CBL: variants seen among roughly 807,000 people sequenced by gnomAD.
CBL encodes Cbl proto-oncogene, also known as E3 ubiquitin-protein ligase CBL.
Under a neutral mutation model 96.9 loss-of-function variants are expected in CBL, and 45 were observed. That is an observed-to-expected ratio of 0.46 (90% CI 0.37 to 0.60). The LOEUF (loss-of-function observed/expected upper bound fraction) is 0.60. CBL is among the 20% of genes least tolerant of loss of function. The probability of loss-of-function intolerance (pLI) is 0.00; values close to 1 mark genes in which losing one functional copy is unlikely to be tolerated. For synonymous variants in CBL, 420 were observed against 426.8 expected, an observed-to-expected ratio of 0.98 and a Z score of 0.20; for missense variants, 1,024 against 1,143.5, an observed-to-expected ratio of 0.90 and a Z score of 1.51.
At chr11:119,226,304 A>G (rs899326270) in intron 1 of CBL, among the ~76,000 whole-genome samples, 4 of 152,186 alleles carry the variant, frequency 2.6e-5, no homozygotes, top group African/African-American at 9.7e-5. Flanking sequence ...CCTCCCCTGC[A>G]TATAAGCCAC....
intron 14 of CBL, 45 bp downstream of exon 14, chr11:119,297,526 G>T (rs370168884): frequency 7.4e-7 from 1 of 1,347,090 alleles, no homozygotes; most frequent in Non-Finnish European, 1.1e-6. Context: ...ATATGTCATA[G>T]GAATGAACAT....
At chr11:119,272,157 T>A (rs1190003932) in intron 3 of CBL, among the ~76,000 whole-genome samples, 1 of 152,238 alleles carries the variant, frequency 6.6e-6, no homozygotes, top group Non-Finnish European at 1.5e-5. Context: ...AGTCTTGCTC[T>A]GTTGCCCAGG....
Position 119,264,388 on chromosome 11 carries a change from T to TTCTC in CBL, c.444-7346_444-7345insCTCT, listed in dbSNP as rs1949780055. Among the ~76,000 whole-genome samples the TTCTC allele has an allele frequency of 3.2e-3, 426 of 133,838 alleles. 4 individuals are homozygous for TTCTC. Among genetic ancestry groups the TTCTC allele is most frequent in the African/African-American group, 0.01 (342 of 32,944 alleles). The allele number at this position is 133,838 out of a possible 152,430, so 87.8% of individuals were successfully genotyped here. A position where few individuals can be genotyped will look rare whatever the true frequency, so the allele number is the denominator to read the frequency against. ...TCTTTTATTATGATCTTTCTTTTCT[T>TTCTC]TTCTCTTCTCTTCTCTTCTCTTCTC... On this transcript the variant is annotated intron_variant, in intron 2 of 15. Transcript: ENST00000264033.
At chr11:119,273,721 TAAAG>T (rs1202710655) in intron 3 of CBL, 143 bp from the exon 4 acceptor site, 1 of 753,944 alleles carries the variant, frequency 1.3e-6, no homozygotes, top group African/African-American at 1.8e-5. Flanking sequence ...TTTCTTTTCT[TAAAG>T]AAGTTGACCT....
intron 4 of CBL, 57 bp downstream of exon 4, chr11:119,274,081 CTTTT>C (rs373788107): frequency 3.9e-5 from 36 of 916,692 alleles, no homozygotes; most frequent in African/African-American, 5.9e-5. Context: ...GAAGAGAAAG[CTTTT>C]TTTTTTTTTT....
At position 119,293,066 on chromosome 11, in the gene CBL, G is replaced by A. The variant is rs527947695; in HGVS notation, c.2037-3852G>A. Among the ~76,000 whole-genome samples, 3 of 151,888 alleles carry A rather than the reference G, an allele frequency of 2.0e-5. No individual in the cohort carries two copies. In the South Asian group the frequency reaches 6.3e-4, roughly 32 times the overall value. On this transcript the variant is annotated intron_variant, in intron 12 of 15. Coordinates refer to ENST00000264033, the MANE Select transcript of CBL (RefSeq NM_005188.4). ...GTCTGTGTTGTATTTTTAAGTTCTA[G>A]TATTTCCATGTGATTTTTAAAAATG...
At chr11:119,269,975 C>T (rs1412128311) in intron 2 of CBL, among the ~76,000 whole-genome samples, 5 of 151,346 alleles carry the variant, frequency 3.3e-5, no homozygotes, top group East Asian at 2.0e-4. Flanking sequence ...CCAGCCCAGG[C>T]GACAGAGCGA....
intron 12 of CBL, among the ~76,000 whole-genome samples, chr11:119,292,503 C>T (rs1950034742): frequency 6.6e-6 from 1 of 151,998 alleles, no homozygotes; most frequent in Admixed American, 6.6e-5. Context: ...TCACTGCAAG[C>T]TCCGCCTCCC....
intron 12 of CBL, among the ~76,000 whole-genome samples, chr11:119,294,532 C>T (rs1004709639): frequency 3.3e-5 from 5 of 152,016 alleles, no homozygotes; most frequent in African/African-American, 9.6e-5. Context: ...CGGTGGCTCA[C>T]GCCTGTAATC....
Position 119,299,664 on chromosome 11 carries a change from G to A in CBL, c.2604G>A (p.Gly868=), listed in dbSNP as rs200774234. ...AGATCGAGAACCTCATGAGTCAGGG[G>A]TACTCCTACCAGGACATCCAGAAAG... is the stretch of plus-strand genomic sequence containing the variant. The part of the protein sequence containing the change: ...SSEIENLMSQ[G]YSYQDIQKAL... Residue 868 remains glycine, a synonymous_variant, in exon 16 of 16, where the codon GGG becomes GGA. Transcript: ENST00000264033. 6 of 1,614,122 alleles carry A rather than the reference G, an allele frequency of 3.7e-6. No homozygotes were observed. The Admixed American group carries it at 8.3e-5, about 22-fold the overall frequency.
intron 2 of CBL, among the ~76,000 whole-genome samples, chr11:119,235,667 G>GA (rs1004241868): frequency 1.3e-5 from 2 of 151,778 alleles, no homozygotes; most frequent in Admixed American, 1.3e-4. Flanking sequence ...GACTTATAAT[G>GA]AAAAAAAAGT....
intron 2 of CBL, 111 bp from the exon 3 acceptor site, chr11:119,271,624 C>G: frequency 1.1e-6 from 1 of 936,430 alleles, no homozygotes; most frequent in Non-Finnish European, 1.7e-6. Context: ...GAGGTTCTTT[C>G]TAAATGTATT....
intron 2 of CBL, among the ~76,000 whole-genome samples, chr11:119,238,759 A>G (rs1949564079): frequency 1.3e-5 from 2 of 152,058 alleles, no homozygotes; most frequent in South Asian, 4.2e-4. Context: ...TGAACCCAGG[A>G]GGCGGAGGAT....
chr11:119,259,773 T>C (rs1474346261), intron 2 of CBL, among the ~76,000 whole-genome samples: 1 of 152,202 alleles, frequency 6.6e-6, no homozygotes, highest in Admixed American at 6.5e-5. Context: ...AACTAAAAAA[T>C]TGGCATCGTT....
intron 12 of CBL, among the ~76,000 whole-genome samples, chr11:119,292,744 T>C (rs1186866686): frequency 6.6e-6 from 1 of 152,078 alleles, no homozygotes; most frequent in Non-Finnish European, 1.5e-5. Context: ...TTTAAATTTA[T>C]TCAGCCTCCC....
rs776909067 is a variant in CBL, at chr11:119,206,588, G to A, written c.171G>A (p.Glu57=). ...GGACGGTGGACAAGAAGATGGTGGA[G>A]AAGTGCTGGAAGCTCATGGACAAGG... ...PPGTVDKKMV[E]KCWKLMDKVV... is the part of the protein sequence containing the mutation. The change falls in exon 1 of 16, where the codon GAG becomes GAA. Residue 57 remains glutamate (E), a synonymous_variant. Coordinates refer to ENST00000264033, the MANE Select transcript of CBL (RefSeq NM_005188.4). 3 of 1,548,618 alleles carry A rather than the reference G, an allele frequency of 1.9e-6. No individual in the cohort carries two copies. The South Asian group carries it at 3.6e-5, about 18-fold the overall frequency.
intron 12 of CBL, 36 bp downstream of exon 12, chr11:119,287,982 T>C: frequency 7.1e-7 from 1 of 1,410,218 alleles, no homozygotes; most frequent in Non-Finnish European, 1.0e-6. Context: ...TACAGTGGAG[T>C]TGTTACTTGT....
chr11:119,242,698 C>T (rs1220592012), intron 2 of CBL, among the ~76,000 whole-genome samples: 5 of 147,998 alleles, frequency 3.4e-5, no homozygotes, highest in South Asian at 2.2e-4. Context: ...TCACTTGAGC[C>T]GCTGCACTAT....
chr11:119,292,080 T>C (rs1446124476), intron 12 of CBL, among the ~76,000 whole-genome samples: 1 of 152,178 alleles, frequency 6.6e-6, no homozygotes, highest in Non-Finnish European at 1.5e-5. Context: ...CTCGAACTGC[T>C]AATGTCAAAT....
Sources: gnomAD v4.1 joint callset for allele counts (sites outside exome capture counted in the v4.1 genomes callset) on GRCh38, gnomAD v4.1.1 for gene constraint, MANE v1.5 for transcripts, NCBI Gene and HGNC (gene_info 2026-07-23, HGNC 2026-07-21) for gene names.